ROBO1: variants seen among roughly 807,000 people sequenced by gnomAD.
The protein encoded by ROBO1 is roundabout homolog 1.
In ROBO1, 149 loss-of-function variants were observed where a neutral mutation model predicts 195.9. That is an observed-to-expected ratio of 0.76 (90% CI 0.67 to 0.87). The LOEUF (loss-of-function observed/expected upper bound fraction) is 0.87. Among genes scored for constraint, ROBO1 ranks in the 40% least tolerant of loss-of-function variants. The pLI, the probability that ROBO1 is intolerant of heterozygous loss-of-function variation, is 0.00. For missense variants in ROBO1, 1,933 were observed against 2,068.3 expected, an observed-to-expected ratio of 0.93 and a Z score of 1.27; for synonymous variants, 816 against 733.2, an observed-to-expected ratio of 1.11 and a Z score of -1.82.
chr3:78,848,591 T>C (rs1360233181), intron 4 of ROBO1, among the ~76,000 whole-genome samples: 1 of 152,024 alleles, frequency 6.6e-6, no homozygotes, highest in Admixed American at 6.6e-5. Flanking sequence ...CATCTGGGGA[T>C]AGAATGGTCC....
At chr3:79,224,363 T>C (rs2082190224) in intron 2 of ROBO1, among the ~76,000 whole-genome samples, 4 of 152,168 alleles carry the variant, frequency 2.6e-5, no homozygotes, top group African/African-American at 7.2e-5. Flanking sequence ...AGTTGCTGAG[T>C]CTGGGCCTTG....
intron 25 of ROBO1, among the ~76,000 whole-genome samples, chr3:78,629,701 G>T (rs940496933): frequency 7.4e-6 from 1 of 134,802 alleles, no homozygotes; most frequent in Non-Finnish European, 1.7e-5. Context: ...ATACAGTTTC[G>T]TTTTCATTAC....
At chr3:79,365,673 G>A (rs898429140) in intron 2 of ROBO1, among the ~76,000 whole-genome samples, 8 of 151,968 alleles carry the variant, frequency 5.3e-5, no homozygotes, top group Admixed American at 3.3e-4. Flanking sequence ...CGAGGCGGGC[G>A]GATCACGAGG....
intron 28 of ROBO1, among the ~76,000 whole-genome samples, chr3:78,608,956 G>A (rs1259415426): frequency 6.6e-6 from 1 of 152,092 alleles, no homozygotes; most frequent in Non-Finnish European, 1.5e-5. Context: ...GGAGCCTTTG[G>A]AGTATCAAAA....
intron 2 of ROBO1, among the ~76,000 whole-genome samples, chr3:79,402,141 A>G (rs2037388523): frequency 6.6e-6 from 1 of 151,922 alleles, no homozygotes; most frequent in South Asian, 2.1e-4. Context: ...TTATCATGGT[A>G]TCATATGATT....
intron 2 of ROBO1, among the ~76,000 whole-genome samples, chr3:79,292,958 C>T (rs1016608768): frequency 2.6e-5 from 4 of 152,156 alleles, no homozygotes; most frequent in Non-Finnish European, 5.9e-5. Flanking sequence ...ATGGTACCAG[C>T]TCCTCTTTGT....
At chr3:78,874,524 A>C (rs924460399) in intron 4 of ROBO1, among the ~76,000 whole-genome samples, 2 of 151,960 alleles carry the variant, frequency 1.3e-5, no homozygotes, top group Non-Finnish European at 2.9e-5. Context: ...AGGTCTTAAC[A>C]ACCAGTACTA....
chr3:79,411,956 G>A (rs897633767), intron 2 of ROBO1, among the ~76,000 whole-genome samples: 4 of 151,832 alleles, frequency 2.6e-5, no homozygotes, highest in Admixed American at 2.6e-4. Context: ...CCCAGCTTTC[G>A]TTCTGTCCGA....
At chr3:78,917,436 T>A (rs1021975799) in intron 4 of ROBO1, among the ~76,000 whole-genome samples, 4 of 152,150 alleles carry the variant, frequency 2.6e-5, no homozygotes. Flanking sequence ...TAACAAACGT[T>A]TTTGAAATAA....
At chr3:79,223,379 T>C (rs993667189) in intron 2 of ROBO1, among the ~76,000 whole-genome samples, 5 of 152,194 alleles carry the variant, frequency 3.3e-5, no homozygotes, top group African/African-American at 9.6e-5. Context: ...GCAGACATTG[T>C]TGATGAACAA....
chr3:78,667,964 T>C lies in ROBO1; in HGVS notation c.1885A>G (p.Ile629Val). ...GCTGCCCTCACAAGGAAAAGGTAAA[T>C]TGCATTAGGTTTGAGTCCTTTAATG... The part of the protein sequence containing the change: ...SAIKGLKPNA[I>V]YLFLVRAANA... The change falls in exon 14 of 31, where the codon ATT becomes GTT. Residue 629 changes from isoleucine (I) to valine (V), a missense_variant. Coordinates refer to ENST00000464233, the MANE Select transcript of ROBO1 (RefSeq NM_002941.4). The C allele has an allele frequency of 2.5e-6, 4 of 1,613,800 alleles. No individual in the cohort carries two copies. The highest frequency in any genetic ancestry group is 3.4e-6 in the Non-Finnish European group (4 of 1,179,796).
intron 2 of ROBO1, among the ~76,000 whole-genome samples, chr3:79,547,785 T>C (rs1942324864): frequency 6.6e-6 from 1 of 152,134 alleles, no homozygotes; most frequent in Admixed American, 6.5e-5. Flanking sequence ...AAATAGAAAT[T>C]TATCTCTTTG....
At chr3:79,688,336 T>C (rs980412425) in intron 1 of ROBO1, among the ~76,000 whole-genome samples, 3 of 152,162 alleles carry the variant, frequency 2.0e-5, no homozygotes, top group Middle Eastern at 3.4e-3. Context: ...ACCTGCACGT[T>C]GTGCACATGT....
At chr3:79,166,985 G>T (rs1214397866) in intron 2 of ROBO1, among the ~76,000 whole-genome samples, 1 of 151,902 alleles carries the variant, frequency 6.6e-6, no homozygotes, top group Non-Finnish European at 1.5e-5. Context: ...TATGCCTGAG[G>T]CGATGTGCAC....
intron 2 of ROBO1, among the ~76,000 whole-genome samples, chr3:79,360,921 C>T (rs1251734604): frequency 1.3e-5 from 2 of 152,074 alleles, no homozygotes; most frequent in East Asian, 3.8e-4. Flanking sequence ...CTGCAGGTGG[C>T]CATGCTCACC....
At chr3:79,439,677 T>C (rs2038992378) in intron 2 of ROBO1, among the ~76,000 whole-genome samples, 2 of 152,136 alleles carry the variant, frequency 1.3e-5, no homozygotes, top group African/African-American at 4.8e-5. Flanking sequence ...TACATAGTTT[T>C]CAAATTTATC....
At chr3:78,762,385 T>G (rs2108374438) in intron 4 of ROBO1, among the ~76,000 whole-genome samples, 1 of 152,144 alleles carries the variant, frequency 6.6e-6, no homozygotes. Context: ...AGTTAGGAAA[T>G]AATAAAATTA....
intron 2 of ROBO1, among the ~76,000 whole-genome samples, chr3:79,277,932 C>T (rs2031184290): frequency 6.6e-6 from 1 of 151,888 alleles, no homozygotes; most frequent in African/African-American, 2.4e-5. Flanking sequence ...AACCTAAAGA[C>T]TCTACCAAAA....
chr3:79,432,620 T>A (rs1378950830), intron 2 of ROBO1, among the ~76,000 whole-genome samples: 1 of 152,114 alleles, frequency 6.6e-6, no homozygotes, highest in Non-Finnish European at 1.5e-5. Context: ...TTACTAAGCA[T>A]CTCTGCCAAC....
Sources: gnomAD v4.1 joint callset for allele counts (sites outside exome capture counted in the v4.1 genomes callset) on GRCh38, gnomAD v4.1.1 for gene constraint, MANE v1.5 for transcripts, NCBI Gene and HGNC (gene_info 2026-07-23, HGNC 2026-07-21) for gene names.